Variants in FAM117A observed in about 807,000 individuals in gnomAD.
FAM117A encodes the protein protein FAM117A.
Under a neutral mutation model 44.1 loss-of-function variants are expected in FAM117A, and 21 were observed. That is an observed-to-expected ratio of 0.48 (90% CI 0.34 to 0.69). FAM117A has a LOEUF of 0.69. Among genes scored for constraint, FAM117A ranks in the 30% least tolerant of loss-of-function variants. The pLI is 0.01. For synonymous variants in FAM117A, 220 were observed against 238.3 expected (o/e 0.92, Z 0.71); for missense variants, 498 against 589.9 (o/e 0.84, Z 1.61).
chr17:49,721,853 G>A (rs1025123274), intron 3 of FAM117A, among the ~76,000 whole-genome samples: 1 of 152,158 alleles, frequency 6.6e-6, no homozygotes. Flanking sequence ...ACTTTGGGAT[G>A]CTGAGGCTTG....
At chr17:49,721,591 T>A (rs2073534403) in intron 3 of FAM117A, among the ~76,000 whole-genome samples, 1 of 152,232 alleles carries the variant, frequency 6.6e-6, no homozygotes, top group African/African-American at 2.4e-5. Context: ...AACTTCCTCT[T>A]GTAAAGGCGT....
intron 1 of FAM117A, among the ~76,000 whole-genome samples, chr17:49,787,542 C>T (rs1465479573): frequency 6.6e-6 from 1 of 152,172 alleles, no homozygotes; most frequent in East Asian, 1.9e-4. Context: ...TTCTTTAGCC[C>T]TGCTCCTGGG....
At chr17:49,758,397 G>A (rs1234679211) in intron 1 of FAM117A, among the ~76,000 whole-genome samples, 9 of 151,128 alleles carry the variant, frequency 6.0e-5, no homozygotes, top group Non-Finnish European at 1.3e-4. Context: ...AGGCTGAGGC[G>A]GGTGGATCAC....
upstream of FAM117A, chr17:49,789,032 A>T (rs1015288043): frequency 3.6e-5 from 17 of 473,608 alleles, no homozygotes; most frequent in South Asian, 3.2e-4. Context: ...GCCTCGGCCT[A>T]TGCTTGCAAC....
upstream of FAM117A, chr17:49,789,029 C>T (rs1479968489): frequency 2.1e-6 from 1 of 479,612 alleles, no homozygotes; most frequent in Non-Finnish European, 3.7e-6. Context: ...CTGGCCTCGG[C>T]CTATGCTTGC....
intron 1 of FAM117A, among the ~76,000 whole-genome samples, chr17:49,773,079 G>A (rs943331424): frequency 1.3e-5 from 2 of 152,048 alleles, no homozygotes; most frequent in African/African-American, 4.8e-5. Flanking sequence ...GCTGAGGCGA[G>A]TGGATCACAA....
intron 1 of FAM117A, among the ~76,000 whole-genome samples, chr17:49,762,212 T>C (rs964082494): frequency 1.3e-5 from 2 of 152,234 alleles, no homozygotes; most frequent in African/African-American, 4.8e-5. Flanking sequence ...AGTTTCCAGC[T>C]ACTATACAGG....
chr17:49,721,984 A>G (rs912392575), intron 3 of FAM117A, among the ~76,000 whole-genome samples: 6 of 152,148 alleles, frequency 3.9e-5, no homozygotes, highest in Admixed American at 2.6e-4. Flanking sequence ...CTGTAATCTA[A>G]GCTACTTAGG....
intron 1 of FAM117A, among the ~76,000 whole-genome samples, chr17:49,753,785 A>AAAAC (rs538944982): frequency 5.9e-5 from 9 of 152,310 alleles, no homozygotes; most frequent in Non-Finnish European, 8.8e-5. Flanking sequence ...CTCTGTCTCA[A>AAAAC]AAACAAACAA....
At chr17:49,764,784 G>T (rs2143790268), upstream of FAM117A, among the ~76,000 whole-genome samples, 1 of 152,230 alleles carries the variant, frequency 6.6e-6, no homozygotes, top group South Asian at 2.1e-4. Context: ...ACCTTGCCTC[G>T]TGTGACACTT....
chr17:49,768,845 T>C (rs1454171231), upstream of FAM117A, among the ~76,000 whole-genome samples: 1 of 152,248 alleles, frequency 6.6e-6, no homozygotes, highest in African/African-American at 2.4e-5. Flanking sequence ...GTACTTTCTC[T>C]GACTCATTTT....
chr17:49,747,039 G>T (rs960901804), intron 1 of FAM117A: 3 of 151,718 alleles, frequency 2.0e-5, no homozygotes, highest in African/African-American at 7.3e-5. Context: ...TCTAGTTCTA[G>T]AATTCCCCAA....
intron 1 of FAM117A, among the ~76,000 whole-genome samples, chr17:49,782,614 C>T (rs1168969548): frequency 2.1e-5 from 3 of 142,506 alleles, no homozygotes; most frequent in East Asian, 2.3e-4. Flanking sequence ...CGCTTGAACC[C>T]GGGAGGCACA....
intron 1 of FAM117A, among the ~76,000 whole-genome samples, chr17:49,775,207 C>G (rs922435590): frequency 6.6e-6 from 1 of 152,192 alleles, no homozygotes; most frequent in Non-Finnish European, 1.5e-5. Flanking sequence ...AGACTGATCT[C>G]AAACCCCTGG....
chr17:49,719,703 GC>G, intron 5 of FAM117A, 56 bp downstream of exon 5: 9 of 1,481,536 alleles, frequency 6.1e-6, no homozygotes, highest in Non-Finnish European at 8.0e-6. Context: ...AGTTCCCCTC[GC>G]CCAGGCCAAG....
At chr17:49,728,499 G>A (rs1410061879) in intron 2 of FAM117A, among the ~76,000 whole-genome samples, 1 of 151,870 alleles carries the variant, frequency 6.6e-6, no homozygotes, top group African/African-American at 2.4e-5. Flanking sequence ...GGAATGCAGA[G>A]GGAATGGGGC....
intron 2 of FAM117A, among the ~76,000 whole-genome samples, chr17:49,729,106 C>T (rs2073573370): frequency 6.6e-6 from 1 of 152,242 alleles, no homozygotes; most frequent in South Asian, 2.1e-4. Flanking sequence ...TTCGCTCCAT[C>T]TTCTACTCTG....
At chr17:49,780,966 G>A (rs2073787951) in intron 1 of FAM117A, among the ~76,000 whole-genome samples, 1 of 152,208 alleles carries the variant, frequency 6.6e-6, no homozygotes, top group South Asian at 2.1e-4. Context: ...AGGTAGCTGA[G>A]ATTATAGGTG....
At chr17:49,784,852 T>A (rs1183303003) in intron 1 of FAM117A, among the ~76,000 whole-genome samples, 1 of 152,178 alleles carries the variant, frequency 6.6e-6, no homozygotes, top group Non-Finnish European at 1.5e-5. Context: ...AGGGGAAAGT[T>A]GGTGTTTTGT....
Sources: gnomAD v4.1 joint callset for allele counts (sites outside exome capture counted in the v4.1 genomes callset) on GRCh38, gnomAD v4.1.1 for gene constraint, MANE v1.5 for transcripts, NCBI Gene and HGNC (gene_info 2026-07-23, HGNC 2026-07-21) for gene names.